The following RPGRIP1 variants were observed in gnomAD, a reference collection of about 807,000 sequenced individuals.
RPGRIP1 encodes RPGR interacting protein 1, also known as X-linked retinitis pigmentosa GTPase regulator-interacting protein 1.
A neutral mutation model predicts 157.9 loss-of-function variants in RPGRIP1; 128 were observed. The ratio of observed to expected loss-of-function variants is 0.81; its 90% CI spans 0.70 to 0.94. The LOEUF (loss-of-function observed/expected upper bound fraction) is 0.94. Among genes scored for constraint, RPGRIP1 ranks in the 40% least tolerant of loss-of-function variants. The probability of loss-of-function intolerance (pLI) is 0.00; values close to 1 mark genes in which losing one functional copy is unlikely to be tolerated. For synonymous variants in RPGRIP1, 554 were observed against 571.6 expected, an observed-to-expected ratio of 0.97 and a Z score of 0.44; for missense variants, 1,486 against 1,545.8, an observed-to-expected ratio of 0.96 and a Z score of 0.65.
chr14:21,336,526 C>A (rs564447887), intron 21 of RPGRIP1, among the ~76,000 whole-genome samples: 4 of 152,274 alleles, frequency 2.6e-5, no homozygotes, highest in South Asian at 2.1e-4. Context: ...CAGAGAGAGA[C>A]CCTGTCTCAA....
At position 21,325,244 on chromosome 14, in the gene RPGRIP1, A is replaced by G. The variant is rs569746036; in HGVS notation, c.2228A>G (p.Glu743Gly). 2.5e-6 allele frequency: 4 copies of G among 1,607,050 alleles called. No homozygotes were observed. The highest frequency in any genetic ancestry group is 2.5e-6 in the Non-Finnish European group (3 of 1,177,072). ...TTCTGCTACCCAGGAGCTGGTGGAG[A>G]AGAGTTCGGGGTTCTAGAGTACTGG... The part of the protein sequence containing the change: ...GLATLIGAGG[E>G]EFGVLEYWMR... Residue 743 changes from glutamate (E) to glycine (G), a missense_variant, in exon 16 of 25, where the codon GAA (glutamate) becomes GGA (glycine). By Grantham distance (98) the Glu-to-Gly change is moderately conservative. Transcript: ENST00000400017.
chr14:21,329,163 A>G (rs1226679392), intron 19 of RPGRIP1, among the ~76,000 whole-genome samples: 1 of 151,002 alleles, frequency 6.6e-6, no homozygotes, highest in Non-Finnish European at 1.5e-5. Flanking sequence ...AAAAAAAAAA[A>G]AATTAGCCAG....
chr14:21,292,827 G>T (rs1270772005), intron 2 of RPGRIP1, among the ~76,000 whole-genome samples: 1 of 151,736 alleles, frequency 6.6e-6, no homozygotes, highest in Non-Finnish European at 1.5e-5. Flanking sequence ...TCCAGCCTGG[G>T]CAACAGTGAG....
At chr14:21,348,410 A>T in intron 24 of RPGRIP1, 108 bp downstream of exon 24, 1 of 859,794 alleles carries the variant, frequency 1.2e-6, no homozygotes, top group Non-Finnish European at 1.7e-6. Context: ...ATAAGACACA[A>T]AGTGGATTGA....
intron 6 of RPGRIP1, among the ~76,000 whole-genome samples, chr14:21,304,419 GAAA>G (rs1881202200): frequency 6.7e-6 from 1 of 150,188 alleles, no homozygotes; most frequent in African/African-American, 2.4e-5. Flanking sequence ...AAGAAAGAAA[GAAA>G]GAAAGAAAGA....
chr14:21,309,742 A>G (rs10152068), intron 7 of RPGRIP1, among the ~76,000 whole-genome samples: 82,003 of 151,776 alleles, frequency 0.54, 22,213 homozygotes, highest in South Asian at 0.61. Context: ...AACAGCAGAG[A>G]GCTATGTGAA....
At chr14:21,330,457 AGGC>A in intron 20 of RPGRIP1, 70 bp downstream of exon 20, 1 of 1,130,390 alleles carries the variant, frequency 8.8e-7, no homozygotes. Context: ...TCACGAGATC[AGGC>A]TTTCAAGAGC....
rs181675885 is a variant in RPGRIP1, at chr14:21,305,845, A to G, written c.801-1886A>G. ...TACTGCACTCCAGCCTGGGCAACAGAGCAAGACTCTGTCTCAAAAACAAAA... is the reference window on the plus strand; with the variant it reads ...TACTGCACTCCAGCCTGGGCAACAGGGCAAGACTCTGTCTCAAAAACAAAA... On this transcript the variant is annotated intron_variant, in intron 6 of 24. Transcript: ENST00000400017. 6.8e-3 allele frequency among the ~76,000 whole-genome samples: 1,031 copies of G among 152,280 alleles called. 13 individuals carry two copies. The highest frequency in any genetic ancestry group is 0.023 in the African/African-American group (970 of 41,558).
chr14:21,311,911 G>T lies in RPGRIP1; in HGVS notation c.1018G>T (p.Ala340Ser), dbSNP rs1881555303. 1 of 1,613,110 alleles carries T rather than the reference G, an allele frequency of 6.2e-7. No individual in the cohort carries two copies. Among genetic ancestry groups the T allele is most frequent in the African/African-American group, 1.3e-5 (1 of 74,912 alleles). Residue 340 changes from alanine to serine, a missense_variant, in exon 9 of 25, where the codon GCT (alanine) becomes TCT (serine). Ala to Ser is a moderately conservative substitution (Grantham distance 99). Coordinates refer to ENST00000400017, the MANE Select transcript of RPGRIP1 (RefSeq NM_020366.4). Reference protein sequence around the residue: ...RAELKEESKKAVSLKSQLEDV... With the variant: ...RAELKEESKKSVSLKSQLEDV... ...AGAGCTGAAGGAAGAAAGCAAGAAG[G>T]CTGTGAGCTTGAAGAGCCAACTGGA...
At chr14:21,316,972 T>G (rs769320245) in intron 10 of RPGRIP1, among the ~76,000 whole-genome samples, 2 of 151,612 alleles carry the variant, frequency 1.3e-5, no homozygotes, top group Non-Finnish European at 2.9e-5. Context: ...ATACAAAAAT[T>G]AGCTGGGCCT....
rs777877901 is a variant in RPGRIP1, at chr14:21,321,297, C to T, written c.1506C>T (p.Ser502=). The T allele has an allele frequency of 2.5e-6, 4 of 1,613,798 alleles. No individual in the cohort carries two copies. The South Asian group carries it at 3.3e-5, about 13-fold the overall frequency. ...AAAACCAAGAAGAAAAGAAACTGTC[C>T]CAGGTGCTAAATGAGTTGCAAGTAT... ...EPKNQEEKKL[S]QVLNELQVSH... is the part of the protein sequence containing the mutation. The change falls in exon 13 of 25, where the codon TCC becomes TCT. Residue 502 remains serine (S), a synonymous_variant. Coordinates refer to ENST00000400017, the MANE Select transcript of RPGRIP1 (RefSeq NM_020366.4).
intron 1 of RPGRIP1, among the ~76,000 whole-genome samples, chr14:21,287,721 T>A (rs775133473): frequency 1.3e-5 from 2 of 152,194 alleles, no homozygotes; most frequent in Non-Finnish European, 2.9e-5. Flanking sequence ...ATCAATTCCA[T>A]AATCATAAAA....
intron 18 of RPGRIP1, 89 bp from the exon 19 acceptor site, chr14:21,328,335 A>C: frequency 1.1e-6 from 1 of 903,578 alleles, no homozygotes; most frequent in Non-Finnish European, 1.7e-6. Flanking sequence ...AGAGAAATGA[A>C]GTCTAACACT....
At chr14:21,293,270 C>CCAAG (rs1295763033) in intron 2 of RPGRIP1, among the ~76,000 whole-genome samples, 28 of 152,250 alleles carry the variant, frequency 1.8e-4, no homozygotes, top group Non-Finnish European at 2.9e-5. Context: ...TCTGCTTAGA[C>CCAAG]CAAGCAGAGG....
intron 21 of RPGRIP1, among the ~76,000 whole-genome samples, chr14:21,339,597 T>C (rs1467786754): frequency 6.6e-6 from 1 of 152,218 alleles, no homozygotes; most frequent in African/African-American, 2.4e-5. Flanking sequence ...TGTCGATATA[T>C]TTAGCTTTTT....
chr14:21,350,391 A>AAAC lies in RPGRIP1; in HGVS notation c.3749-711_3749-710insCAA, dbSNP rs1555307776. On this transcript the variant is annotated intron_variant, in intron 24 of 24. Transcript: ENST00000400017. ...ACTCTGTCTCCAAAAAAAAAAAAAA[A>AAAC]AAAAAGAAAACAGGAATTAAGAGTA... is the stretch of plus-strand genomic sequence containing the variant. 1.1e-3 allele frequency among the ~76,000 whole-genome samples: 158 copies of AAAC among 142,772 alleles called. 8 individuals carry two copies. Among genetic ancestry groups the AAAC allele is most frequent in the Middle Eastern group, 3.6e-3 (1 of 276 alleles). 93.7% of individuals were successfully genotyped at this position (142,772 alleles called of 152,430 possible).
At position 21,317,776 on chromosome 14, in the gene RPGRIP1, C is replaced by T. The variant is rs777058053; in HGVS notation, c.1232C>T (p.Ser411Phe). ...GCGGAACAGCTACAGCAGCAAGTCT[C>T]TCAGCTGCAGGATCAGCTGGATGCT... ...LIAEQLQQQV[S>F]QLQDQLDAEL... Residue 411 changes from serine (S) to phenylalanine (F), a missense_variant, in exon 11 of 25, where the codon TCT (serine) becomes TTT (phenylalanine). Ser to Phe is a radical substitution (Grantham distance 155, BLOSUM62 -2). Coordinates refer to ENST00000400017, the MANE Select transcript of RPGRIP1 (RefSeq NM_020366.4). The T allele has an allele frequency of 2.5e-6, 4 of 1,600,012 alleles. No individual in the cohort carries two copies. Among genetic ancestry groups the T allele is most frequent in the South Asian group, 1.1e-5 (1 of 88,226 alleles).
At chr14:21,324,419 G>A in intron 14 of RPGRIP1, 199 bp from the exon 15 acceptor site, 1 of 612,308 alleles carries the variant, frequency 1.6e-6, no homozygotes, top group Non-Finnish European at 2.9e-6. Context: ...CCTAAAGCTG[G>A]CATTGGATTA....
intron 17 of RPGRIP1, among the ~76,000 whole-genome samples, chr14:21,326,944 G>A (rs983644148): frequency 1.3e-5 from 2 of 152,058 alleles, no homozygotes; most frequent in African/African-American, 4.8e-5. Flanking sequence ...AGGATTGTGG[G>A]GGTGTACCAA....
Sources: gnomAD v4.1 joint callset for allele counts (sites outside exome capture counted in the v4.1 genomes callset) on GRCh38, gnomAD v4.1.1 for gene constraint, MANE v1.5 for transcripts, NCBI Gene and HGNC (gene_info 2026-07-23, HGNC 2026-07-21) for gene names.